Variants in PTPN23 observed in about 807,000 individuals in gnomAD.
PTPN23 encodes the protein tyrosine-protein phosphatase non-receptor type 23.
In PTPN23, 72 loss-of-function variants were observed where a neutral mutation model predicts 156.3. The observed-to-expected ratio is 0.46, with a 90% CI of 0.38 to 0.56. The LOEUF (loss-of-function observed/expected upper bound fraction) is 0.56, where lower values mean the gene tolerates loss of function less well. PTPN23 is among the 20% of genes least tolerant of loss of function. PTPN23 has a pLI of 0.00. For synonymous variants in PTPN23, 957 were observed against 899.6 expected, an observed-to-expected ratio of 1.06 and a Z score of -1.14; for missense variants, 1,974 against 2,171.5, an observed-to-expected ratio of 0.91 and a Z score of 1.81.
At chr3:47,409,381 C>T in intron 17 of PTPN23, 36 bp from the exon 18 acceptor site, 1 of 1,613,750 alleles carries the variant, frequency 6.2e-7, no homozygotes, top group Non-Finnish European at 8.5e-7. Flanking sequence ...AGTCGAGGCC[C>T]TGAGTGTCCG....
Position 47,401,762 on chromosome 3 carries a change from G to C in PTPN23, c.160-2890G>C, listed in dbSNP as rs552648168. Reference sequence around the variant, plus strand: ...ATGCTGTGAGCTGCAGCTGTGACATGCCTTATCCTTGCACTGGGCATTCTA... The same window carrying C: ...ATGCTGTGAGCTGCAGCTGTGACATCCCTTATCCTTGCACTGGGCATTCTA... On this transcript the variant is annotated intron_variant, in intron 2 of 24. Transcript: ENST00000265562. Among the ~76,000 whole-genome samples, 44 of 152,306 alleles carry C rather than the reference G, an allele frequency of 2.9e-4. No homozygotes were observed. The South Asian group carries it at 9.1e-3, about 32-fold the overall frequency.
chr3:47,410,708 GC>G lies in PTPN23; in HGVS notation c.2915del (p.Pro972HisfsTer188). On this transcript the variant is annotated frameshift_variant, in exon 20 of 25. Transcript: ENST00000265562. LOFTEE classifies it high-confidence loss of function. ...ATCCTTCACAAGCGTTTGGGCCTCA[GC>G]CCCCACAGCAGCCCCTTCCACTCCA... Reference protein sequence around the residue: ...PHPSQAFGPQPPQQPLPLQHP... With the variant: ...PHPSQAFGPQXPQQPLPLQHP... 1 of 1,591,204 alleles carries G rather than the reference GC, an allele frequency of 6.3e-7. No homozygotes were observed. The highest frequency in any genetic ancestry group is 8.5e-7 in the Non-Finnish European group (1 of 1,170,596).
At position 47,411,095 on chromosome 3, in the gene PTPN23, T is replaced by C; in HGVS notation, c.3297T>C (p.Pro1099=). 6.3e-7 allele frequency: 1 copy of C among 1,598,390 alleles called. No individual in the cohort carries two copies. The highest frequency in any genetic ancestry group is 8.5e-7 in the Non-Finnish European group (1 of 1,173,200). Residue 1099 remains proline (P), a synonymous_variant, in exon 20 of 25, where the codon CCT becomes CCC. Coordinates refer to ENST00000265562, the MANE Select transcript of PTPN23 (RefSeq NM_015466.4). This position sits in a 1 kb window ranked among gnomAD's most constrained non-coding sequence, Gnocchi z 6.3. ...CTCCAGGGCCTGGTCCGGTACCCCC[T>C]CGCCCCCCAGCAGCAGAACCACCCC... The part of the protein sequence containing the change: ...APSPGPGPVP[P]RPPAAEPPPC...
chr3:47,381,189 G>A lies in PTPN23; in HGVS notation c.84+9G>A, dbSNP rs550406811. On this transcript the variant is annotated intron_variant, in intron 1 of 24. Coordinates refer to ENST00000265562, the MANE Select transcript of PTPN23 (RefSeq NM_015466.4). Reference sequence around the variant, plus strand: ...AGCCAGCTGTGAAGAAGGTGAGCTTGCCTTCCATCTTCCCCCCTATCCGCC... The same window carrying A: ...AGCCAGCTGTGAAGAAGGTGAGCTTACCTTCCATCTTCCCCCCTATCCGCC... The A allele has an allele frequency of 1.3e-5, 20 of 1,575,806 alleles. No individual in the cohort carries two copies. The Admixed American group carries it at 2.2e-4, about 17-fold the overall frequency.
Position 47,412,694 on chromosome 3 carries a change from C to G in PTPN23, c.4432-12C>G. The G allele has an allele frequency of 1.3e-6, 2 of 1,597,910 alleles. No individual in the cohort carries two copies. Among genetic ancestry groups the G allele is most frequent in the Non-Finnish European group, 1.7e-6 (2 of 1,170,044 alleles). ...TTGGGACTCCCTCTCCTCACTCACT[C>G]TGTCTTCTCAGAACCACCTTCCTCA... On this transcript the variant is annotated splice_polypyrimidine_tract_variant and intron_variant, in intron 24 of 24. Transcript: ENST00000265562.
chr3:47,394,339 G>A (rs893743294), intron 1 of PTPN23, among the ~76,000 whole-genome samples: 3 of 152,192 alleles, frequency 2.0e-5, no homozygotes, highest in Non-Finnish European at 2.9e-5. Flanking sequence ...GAATGTGAGC[G>A]GAAGAGCAGC....
intron 1 of PTPN23, among the ~76,000 whole-genome samples, chr3:47,392,512 T>TTTG (rs936883030): frequency 2.6e-5 from 4 of 151,998 alleles, no homozygotes; most frequent in South Asian, 2.1e-4. Context: ...TAGTTGTGTT[T>TTTG]TTGTTGTTGT....
intron 1 of PTPN23, among the ~76,000 whole-genome samples, chr3:47,394,373 C>T (rs1704836713): frequency 6.6e-6 from 1 of 152,146 alleles, no homozygotes; most frequent in Non-Finnish European, 1.5e-5. Context: ...AGTGACATTT[C>T]GGCTGAGTCT....
intron 1 of PTPN23, among the ~76,000 whole-genome samples, chr3:47,388,080 C>T (rs1416577905): frequency 2.0e-5 from 3 of 152,186 alleles, no homozygotes; most frequent in East Asian, 3.8e-4. Flanking sequence ...CCTTTAATAG[C>T]TGAATGATCT....
At position 47,406,120 on chromosome 3, in the gene PTPN23, G is replaced by C; in HGVS notation, c.546+74G>C. 1.3e-6 allele frequency: 2 copies of C among 1,569,446 alleles called. No homozygotes were observed. Among genetic ancestry groups the C allele is most frequent in the Admixed American group, 3.7e-5 (2 of 53,898 alleles). On this transcript the variant is annotated intron_variant, in intron 6 of 24. Transcript: ENST00000265562. The surrounding 1 kb of genome is among the most constrained non-coding windows in gnomAD (Gnocchi z 5.8). ...GGCCAGGGAGGGGGCAGTTGGGCCT[G>C]GATCCTGGACCAAGGCAGTGAGGGA... is the stretch of plus-strand genomic sequence containing the variant.
At chr3:47,404,560 T>C (rs1705076555) in intron 2 of PTPN23, 92 bp from the exon 3 acceptor site, 1 of 1,533,412 alleles carries the variant, frequency 6.5e-7, no homozygotes. Context: ...CGGCCAGCTG[T>C]GATGCATTTT....
rs1198088097 is a variant in PTPN23 at position 47,407,224 on chromosome 3, G to C, written c.864+38G>C. The C allele has an allele frequency of 6.2e-7, 1 of 1,613,966 alleles. No homozygotes were observed. The highest frequency in any genetic ancestry group is 8.5e-7 in the Non-Finnish European group (1 of 1,179,918). ...AAGGCCTGGCTGCCCTGAGGGTATA[G>C]GAGCAAGCCCGGTAGGACTGAGGGG... On this transcript the variant is annotated intron_variant, in intron 10 of 24. Transcript: ENST00000265562. The surrounding 1 kb of genome is among the most constrained non-coding windows in gnomAD (Gnocchi z 4.0).
At chr3:47,412,063 AG>A in intron 21 of PTPN23, 30 bp from the exon 22 acceptor site, 2 of 1,612,130 alleles carry the variant, frequency 1.2e-6, no homozygotes, top group South Asian at 2.2e-5. Context: ...CCTGGCTCAT[AG>A]GCTCTTCCTG....
Position 47,412,316 on chromosome 3 carries a change from G to A in PTPN23, c.4212G>A (p.Leu1404=). ...SGVGRTGAFA[L]LYAAVQEVEA... is the part of the protein sequence containing the mutation. ...TGGGCCGCACGGGAGCCTTTGCACTGCTCTATGCAGCTGTGCAGGAGGTGG... is the reference window on the plus strand; with the variant it reads ...TGGGCCGCACGGGAGCCTTTGCACTACTCTATGCAGCTGTGCAGGAGGTGG... The change falls in exon 23 of 25, where the codon CTG becomes CTA. Residue 1404 remains leucine, a synonymous_variant. Transcript: ENST00000265562. 1 of 1,613,428 alleles carries A rather than the reference G, an allele frequency of 6.2e-7. No individual in the cohort carries two copies. The highest frequency in any genetic ancestry group is 8.5e-7 in the Non-Finnish European group (1 of 1,180,014).
rs769971267 is a variant in PTPN23 at position 47,412,089 on chromosome 3, C to T, written c.4074-5C>T. 9.9e-6 allele frequency: 16 copies of T among 1,612,860 alleles called. No individual in the cohort carries two copies. The East Asian group carries it at 1.8e-4, about 18-fold the overall frequency. On this transcript the variant is annotated splice_region_variant and splice_polypyrimidine_tract_variant and intron_variant, in intron 21 of 24. Coordinates refer to ENST00000265562, the MANE Select transcript of PTPN23 (RefSeq NM_015466.4). The stretch of plus-strand genomic sequence containing the variant: ...GGCTCTTCCTGGCCCCATCCTGTCC[C>T]ACAGAGGCCTGCCCGACAGCCCCAG...
intron 1 of PTPN23, among the ~76,000 whole-genome samples, chr3:47,393,082 G>A (rs899264599): frequency 6.6e-6 from 1 of 151,966 alleles, no homozygotes; most frequent in Admixed American, 6.6e-5. Flanking sequence ...GTGATCCTCT[G>A]GCCTCGGCCT....
chr3:47,405,451 GC>G lies in PTPN23; in HGVS notation c.365-297del, dbSNP rs1323464241. ...TACCCTGCTAGTCAGCCTTAGCCTG[GC>G]TCAAGGGAGAAGCTTGGGGAGCCCC... is the stretch of plus-strand genomic sequence containing the variant. On this transcript the variant is annotated intron_variant, in intron 4 of 24. Coordinates refer to ENST00000265562, the MANE Select transcript of PTPN23 (RefSeq NM_015466.4). This position sits in a 1 kb window ranked among gnomAD's most constrained non-coding sequence, Gnocchi z 4.7. The G allele has an allele frequency of 1.7e-5, 9 of 541,794 alleles. No individual in the cohort carries two copies. Among genetic ancestry groups the G allele is most frequent in the Non-Finnish European group, 2.3e-5 (7 of 302,614 alleles). The allele number at this position is 541,794 out of a possible 1,614,324, so 33.6% of individuals were successfully genotyped here. A position where few individuals can be genotyped will look rare whatever the true frequency, so the allele number is the denominator to read the frequency against.
Position 47,412,141 on chromosome 3 carries a change from T to C in PTPN23, c.4121T>C (p.Val1374Ala), listed in dbSNP as rs1244881315. 6.2e-7 allele frequency: 1 copy of C among 1,612,896 alleles called. No individual in the cohort carries two copies. ...AACTTGCTGCGCTTCATCCAGGAGG[T>C]GCACGCACATTACCTGCATCAGCGG... ...PSNLLRFIQE[V>A]HAHYLHQRPL... is the part of the protein sequence containing the mutation. The change falls in exon 22 of 25, where the codon GTG becomes GCG. Residue 1374 changes from valine (V) to alanine (A), a missense_variant. Val to Ala is a moderately conservative substitution (Grantham distance 64, BLOSUM62 0). Coordinates refer to ENST00000265562, the MANE Select transcript of PTPN23 (RefSeq NM_015466.4).
chr3:47,398,580 T>C (rs1008733495), intron 2 of PTPN23, among the ~76,000 whole-genome samples: 33 of 151,866 alleles, frequency 2.2e-4, no homozygotes, highest in South Asian at 1.0e-3. Flanking sequence ...TTTTTTTTTT[T>C]CCCGAGACAG....
Sources: gnomAD v4.1 joint callset for allele counts (sites outside exome capture counted in the v4.1 genomes callset) on GRCh38, gnomAD v4.1.1 for gene constraint, Gnocchi (gnomAD v3.1) non-coding constraint, MANE v1.5 for transcripts, NCBI Gene and HGNC (gene_info 2026-07-23, HGNC 2026-07-21) for gene names.